DHTKD1: variants seen among roughly 807,000 people sequenced by gnomAD.
The protein encoded by DHTKD1 is dehydrogenase E1 and transketolase domain containing 1, also known as 2-oxoadipate dehydrogenase complex component E1.
In DHTKD1, 78 loss-of-function variants were observed where a neutral mutation model predicts 101.8. The observed-to-expected ratio is 0.77, with a 90% CI of 0.64 to 0.93. The LOEUF (loss-of-function observed/expected upper bound fraction) is 0.93, where lower values mean the gene tolerates loss of function less well. DHTKD1 is among the 40% of genes least tolerant of loss of function. DHTKD1 has a pLI of 0.00. For missense variants in DHTKD1, 1,223 were observed against 1,161.7 expected (o/e 1.05, Z -0.77); for synonymous variants, 462 against 450.3 (o/e 1.03, Z -0.33).
chr10:12,079,592 C>A (rs566741814), intron 1 of DHTKD1, among the ~76,000 whole-genome samples: 5 of 151,998 alleles, frequency 3.3e-5, no homozygotes, highest in African/African-American at 9.6e-5. Flanking sequence ...CACTTGAACC[C>A]GGGAGGCAGA....
At chr10:12,099,695 T>A (rs996572499) in intron 8 of DHTKD1, among the ~76,000 whole-genome samples, 4 of 151,604 alleles carry the variant, frequency 2.6e-5, no homozygotes, top group Admixed American at 6.6e-5. Context: ...CAGAAAAAAA[T>A]AAATAAATAA....
chr10:12,093,999 G>A, intron 6 of DHTKD1, 74 bp from the exon 7 acceptor site: 1 of 1,285,948 alleles, frequency 7.8e-7, no homozygotes, highest in Non-Finnish European at 1.1e-6. Flanking sequence ...TTTGATGCAG[G>A]AAGTAGGGCT....
At chr10:12,095,711 G>A (rs1448395919) in intron 7 of DHTKD1, among the ~76,000 whole-genome samples, 8 of 149,622 alleles carry the variant, frequency 5.3e-5, no homozygotes, top group Non-Finnish European at 1.2e-4. Flanking sequence ...TACTCGGGAG[G>A]CTGAGGCAGG....
chr10:12,082,090 G>A (rs1832829195), intron 2 of DHTKD1, among the ~76,000 whole-genome samples: 2 of 151,946 alleles, frequency 1.3e-5, no homozygotes, highest in African/African-American at 4.8e-5. Context: ...TCGTGCCACT[G>A]CACTCCAGCC....
intron 5 of DHTKD1, among the ~76,000 whole-genome samples, chr10:12,091,063 C>CA (rs910394269): frequency 3.3e-5 from 5 of 151,120 alleles, no homozygotes; most frequent in Admixed American, 6.6e-5. Context: ...CAAAAAAAAA[C>CA]AAAAAAAGAT....
chr10:12,074,403 T>C (rs1207458839), intron 1 of DHTKD1, among the ~76,000 whole-genome samples: 7 of 152,064 alleles, frequency 4.6e-5, no homozygotes, highest in Non-Finnish European at 8.8e-5. Flanking sequence ...TCGCCCAGGC[T>C]GGAGTGCAGT....
rs1451601212 is a variant in DHTKD1, at chr10:12,107,963, AC to A, written c.2103del (p.Tyr701Ter). 1 of 1,614,086 alleles carries A rather than the reference AC, an allele frequency of 6.2e-7. No individual in the cohort carries two copies. Among genetic ancestry groups the A allele is most frequent in the East Asian group, 2.2e-5 (1 of 44,876 alleles). ...SGIVILLPHG[Y>X]DGAGPDHSSC... ...ATCGTCATCCTCCTTCCACATGGCT[AC>A]GATGGGGCTGGGCCAGACCACTCAT... On this transcript the variant is annotated frameshift_variant, in exon 12 of 17. Coordinates refer to ENST00000263035, the MANE Select transcript of DHTKD1 (RefSeq NM_018706.7). LOFTEE classifies it high-confidence loss of function. This position sits in a 1 kb window ranked among gnomAD's most constrained non-coding sequence, Gnocchi z 4.1.
intron 16 of DHTKD1, 71 bp downstream of exon 16, chr10:12,120,338 TC>T: frequency 2.2e-6 from 3 of 1,347,466 alleles, no homozygotes; most frequent in Admixed American, 2.0e-5. Context: ...TTTCTTTCTT[TC>T]TTTTTTTTTT....
At chr10:12,089,306 A>G in intron 5 of DHTKD1, 51 bp downstream of exon 5, 1 of 1,569,166 alleles carries the variant, frequency 6.4e-7, no homozygotes, top group Non-Finnish European at 8.7e-7. Flanking sequence ...ACTGGGAAGA[A>G]TGTGTGGGTT....
At chr10:12,095,361 G>C (rs1330243972) in intron 7 of DHTKD1, among the ~76,000 whole-genome samples, 1 of 152,148 alleles carries the variant, frequency 6.6e-6, no homozygotes, top group Non-Finnish European at 1.5e-5. Context: ...ACAATATAAT[G>C]AGTATATTGA....
chr10:12,117,862 T>TTTTATTTATTTATTTA (rs781435056), intron 14 of DHTKD1, 107 bp downstream of exon 14: 4 of 70,200 alleles, frequency 5.7e-5, no homozygotes, highest in African/African-American at 2.6e-4. Flanking sequence ...CCTCTCCTAT[T>TTTTATTTATTTATTTA]TTTATTTATT....
intron 1 of DHTKD1, among the ~76,000 whole-genome samples, chr10:12,074,015 T>A (rs1016922509): frequency 4.6e-5 from 7 of 152,240 alleles, no homozygotes; most frequent in Non-Finnish European, 1.0e-4. Flanking sequence ...CTATTCTCTC[T>A]GGCTTCGTTA....
chr10:12,077,376 T>G (rs1165152755), intron 1 of DHTKD1, among the ~76,000 whole-genome samples: 1 of 152,058 alleles, frequency 6.6e-6, no homozygotes, highest in Non-Finnish European at 1.5e-5. Context: ...TACAGGTGTC[T>G]GCCACCAGGC....
At chr10:12,078,426 GA>G (rs1268496861) in intron 1 of DHTKD1, among the ~76,000 whole-genome samples, 3 of 144,416 alleles carry the variant, frequency 2.1e-5, no homozygotes, top group Admixed American at 7.0e-5. Flanking sequence ...CTCCACCTCA[GA>G]AAAAAAAAAC....
At chr10:12,099,119 G>A (rs1367168012) in intron 8 of DHTKD1, among the ~76,000 whole-genome samples, 1 of 151,832 alleles carries the variant, frequency 6.6e-6, no homozygotes, top group African/African-American at 2.4e-5. Flanking sequence ...GCAATGAGCT[G>A]AGATTGCACC....
In DHTKD1 at chr10:12,076,995, A is replaced by AAAAAAAAAAAAG. The variant is rs1554790544; in HGVS notation, c.155-4477_155-4476insAAAAAAAAAAAG. On this transcript the variant is annotated intron_variant, in intron 1 of 16. Transcript: ENST00000263035. ...TCTGATAAAAAAAAAAAAAAAAAAA[A>AAAAAAAAAAAAG]GGAAGAAAAAAGAACAAGTCGGCAA... is the stretch of plus-strand genomic sequence containing the variant. Among the ~76,000 whole-genome samples, 9 of 128,100 alleles carry AAAAAAAAAAAAG rather than the reference A, an allele frequency of 7.0e-5. 2 individuals are homozygous for AAAAAAAAAAAAG. Among genetic ancestry groups the AAAAAAAAAAAAG allele is most frequent in the South Asian group, 2.7e-4 (1 of 3,752 alleles). 84.0% of individuals were successfully genotyped at this position (128,100 alleles called of 152,430 possible). A position where few individuals can be genotyped will look rare whatever the true frequency, so the allele number is the denominator to read the frequency against.
intron 2 of DHTKD1, among the ~76,000 whole-genome samples, chr10:12,083,013 C>T (rs1360500573): frequency 1.3e-5 from 2 of 152,038 alleles, no homozygotes; most frequent in Non-Finnish European, 2.9e-5. Context: ...TGGTAGCAGG[C>T]ACCTGTAGTC....
chr10:12,104,287 T>C (rs1053060816), intron 10 of DHTKD1, among the ~76,000 whole-genome samples: 3 of 152,100 alleles, frequency 2.0e-5, no homozygotes, highest in African/African-American at 7.2e-5. Context: ...AAAGTGGTTC[T>C]CCCACCTCAG....
chr10:12,069,024 T>G lies in DHTKD1; in HGVS notation c.-10T>G. 3 of 1,613,088 alleles carry G rather than the reference T, an allele frequency of 1.9e-6. No homozygotes were observed. Among genetic ancestry groups the G allele is most frequent in the Non-Finnish European group, 2.5e-6 (3 of 1,179,588 alleles). On this transcript the variant is annotated 5_prime_UTR_variant, in exon 1 of 17. Coordinates refer to ENST00000263035, the MANE Select transcript of DHTKD1 (RefSeq NM_018706.7). ...CCGCCTTAGCATGCTGGCCGGGACATCTGGTGAACATGGCCTCTGCTACTG... is the reference window on the plus strand; with the variant it reads ...CCGCCTTAGCATGCTGGCCGGGACAGCTGGTGAACATGGCCTCTGCTACTG...
Sources: gnomAD v4.1 joint callset for allele counts (sites outside exome capture counted in the v4.1 genomes callset) on GRCh38, gnomAD v4.1.1 for gene constraint, Gnocchi (gnomAD v3.1) non-coding constraint, MANE v1.5 for transcripts, NCBI Gene and HGNC (gene_info 2026-07-23, HGNC 2026-07-21) for gene names.